Variants in DHX8 observed in about 807,000 individuals in gnomAD.
DHX8 encodes the protein ATP-dependent RNA helicase DHX8.
Under a neutral mutation model 140.7 loss-of-function variants are expected in DHX8, and 67 were observed. The ratio of observed to expected loss-of-function variants is 0.48; its 90% CI spans 0.39 to 0.58. DHX8 has a LOEUF of 0.58. Ranked by LOEUF, DHX8 falls within the 20% of genes least tolerant of loss-of-function variation. The pLI, the probability that DHX8 is intolerant of heterozygous loss-of-function variation, is 0.00. For synonymous variants in DHX8, 533 were observed against 553.2 expected (o/e 0.96, Z 0.51); for missense variants, 887 against 1,550.7 (o/e 0.57, Z 7.19).
intron 2 of DHX8, 47 bp downstream of exon 2, chr17:43,489,581 TTA>T (rs1489792177): frequency 7.3e-7 from 1 of 1,372,176 alleles, no homozygotes. Flanking sequence ...ATGTTTTAAT[TTA>T]TGTTTGTTTG....
At chr17:43,542,687 C>T (rs970433616) in intron 3 of DHX8, among the ~76,000 whole-genome samples, 12 of 152,124 alleles carry the variant, frequency 7.9e-5, no homozygotes, top group Non-Finnish European at 1.3e-4. Flanking sequence ...CTTCAACGCC[C>T]GGACGCAGGA....
chr17:43,493,421 C>A (rs1332067745), intron 6 of DHX8, 24 bp from the exon 7 acceptor site: 1 of 1,612,586 alleles, frequency 6.2e-7, no homozygotes, highest in South Asian at 1.1e-5. Context: ...TGGCATGTTC[C>A]AGATGTGTCT....
Position 43,520,883 on chromosome 17 carries a change from G to A in DHX8, c.3066+4G>A. On this transcript the variant is annotated splice_donor_region_variant and intron_variant, in intron 20 of 22. Coordinates refer to ENST00000262415, the MANE Select transcript of DHX8 (RefSeq NM_004941.3). ...GAACGTCTTCTATAGGCCCAAGGTA[G>A]GAAGTTCAGATCCAAGTTTAGATGG... is the stretch of plus-strand genomic sequence containing the variant. The A allele has an allele frequency of 6.2e-7, 1 of 1,604,702 alleles. No individual in the cohort carries two copies. The highest frequency in any genetic ancestry group is 8.5e-7 in the Non-Finnish European group (1 of 1,175,966).
At position 43,503,078 on chromosome 17, in the gene DHX8, T is replaced by C. The variant is rs111269200; in HGVS notation, c.1547-1566T>C. Among the ~76,000 whole-genome samples, 19 of 152,286 alleles carry C rather than the reference T, an allele frequency of 1.2e-4. 1 individual carries two copies. The highest frequency in any genetic ancestry group is 4.3e-4 in the African/African-American group (18 of 41,564). ...CAAGGTGAATCTTGAAAATATAAGC[T>C]AGGTCTGGGCAAGGTGGCTCACACC... On this transcript the variant is annotated intron_variant, in intron 11 of 22. Transcript: ENST00000262415.
At chr17:43,523,058 G>A (rs943206685) in intron 22 of DHX8, among the ~76,000 whole-genome samples, 3 of 29,514 alleles carry the variant, frequency 1.0e-4, no homozygotes, top group South Asian at 2.0e-3. Context: ...GTGAGACTCC[G>A]TCCCAAAAAA....
At chr17:43,542,888 C>T (rs567631211) in intron 3 of DHX8, among the ~76,000 whole-genome samples, 1 of 152,114 alleles carries the variant, frequency 6.6e-6, no homozygotes, top group African/African-American at 2.4e-5. Flanking sequence ...CCTCCTAATG[C>T]GTCCCACCAC....
chr17:43,487,086 A>C (rs1488500384), intron 1 of DHX8, among the ~76,000 whole-genome samples: 4 of 152,150 alleles, frequency 2.6e-5, no homozygotes, highest in Non-Finnish European at 5.9e-5. Context: ...CAGTGTCTCA[A>C]ACCGTCAGCT....
At chr17:43,530,615 T>C (rs1259937158), downstream of DHX8, among the ~76,000 whole-genome samples, 4 of 90,380 alleles carry the variant, frequency 4.4e-5, no homozygotes, top group Admixed American at 1.1e-4. Flanking sequence ...CGCGCGTGTG[T>C]GTGTGTGTGT....
At chr17:43,511,189 G>T (rs1254951886) in intron 16 of DHX8, among the ~76,000 whole-genome samples, 1 of 152,080 alleles carries the variant, frequency 6.6e-6, no homozygotes, top group Non-Finnish European at 1.5e-5. Context: ...AATTAGCCAG[G>T]CGTGGTGGCG....
At chr17:43,542,431 G>T (rs115314157) in intron 3 of DHX8, among the ~76,000 whole-genome samples, 3 of 152,206 alleles carry the variant, frequency 2.0e-5, no homozygotes, top group African/African-American at 7.2e-5. Context: ...CTCCTGACAA[G>T]CCTGGAAAGG....
chr17:43,511,938 T>G (rs924847342), intron 16 of DHX8, among the ~76,000 whole-genome samples: 1 of 151,548 alleles, frequency 6.6e-6, no homozygotes, highest in Non-Finnish European at 1.5e-5. Flanking sequence ...GAGGATCACT[T>G]GAGCCTGGGA....
At chr17:43,510,489 A>G (rs558109994) in intron 16 of DHX8, among the ~76,000 whole-genome samples, 4 of 152,362 alleles carry the variant, frequency 2.6e-5, no homozygotes, top group South Asian at 2.1e-4. Context: ...CATGTAAACT[A>G]TGCACATCTT....
At chr17:43,517,091 T>G (rs1001639053) in intron 17 of DHX8, 76 bp from the exon 18 acceptor site, 2 of 1,459,292 alleles carry the variant, frequency 1.4e-6, no homozygotes, top group South Asian at 2.8e-5. Flanking sequence ...ATTGTCCCCC[T>G]TTTAACAGAT....
At chr17:43,518,007 A>G (rs1787952488) in intron 18 of DHX8, 1 of 152,208 alleles carries the variant, frequency 6.6e-6, no homozygotes, top group Admixed American at 6.5e-5. Context: ...CAGTCTCTGA[A>G]GTGCCAACAG....
intron 13 of DHX8, 72 bp from the exon 14 acceptor site, chr17:43,507,431 C>A: frequency 7.0e-7 from 1 of 1,421,580 alleles, no homozygotes; most frequent in Non-Finnish European, 9.6e-7. Flanking sequence ...AGTGACTGGG[C>A]TGAAATCTTG....
rs1039237682 is a variant in DHX8, at chr17:43,524,701, A to G, written c.*854A>G. On this transcript the variant is annotated 3_prime_UTR_variant, in exon 23 of 23. Coordinates refer to ENST00000262415, the MANE Select transcript of DHX8 (RefSeq NM_004941.3). ...TCCCATTTCCTTTTGAAACATACTA[A>G]GTAACAACACAGCTTTTATTTTATT... 4.1e-6 allele frequency: 4 copies of G among 985,440 alleles called. No individual in the cohort carries two copies. The highest frequency in any genetic ancestry group is 4.8e-6 in the Non-Finnish European group (4 of 829,940). 61.0% of individuals were successfully genotyped at this position (985,440 alleles called of 1,614,324 possible). A position where few individuals can be genotyped will look rare whatever the true frequency, so the allele number is the denominator to read the frequency against.
chr17:43,538,714 G>A (rs1043245080), intron 3 of DHX8, among the ~76,000 whole-genome samples: 6 of 152,266 alleles, frequency 3.9e-5, no homozygotes, highest in African/African-American at 1.4e-4. Flanking sequence ...AGCAGGAAAT[G>A]TAGACACCAA....
intron 8 of DHX8, among the ~76,000 whole-genome samples, chr17:43,495,383 A>G (rs1968796179): frequency 6.6e-6 from 1 of 152,170 alleles, no homozygotes; most frequent in South Asian, 2.1e-4. Flanking sequence ...GGCTCAAGCC[A>G]TCCTCTCATC....
intron 18 of DHX8, chr17:43,517,694 GA>G (rs1970181530): frequency 6.0e-6 from 1 of 165,614 alleles, no homozygotes; most frequent in Admixed American, 6.2e-5. Context: ...TAGAACGAGA[GA>G]AAACCCCCTG....
Sources: allele counts gnomAD v4.1 joint callset (sites outside exome capture counted in the v4.1 genomes callset), GRCh38; gene constraint gnomAD v4.1.1; transcripts MANE v1.5; gene names NCBI Gene and HGNC (gene_info 2026-07-23, HGNC 2026-07-21).